CNTN4: variants seen among roughly 807,000 people sequenced by gnomAD.
The protein encoded by CNTN4 is contactin-4.
A neutral mutation model predicts 122.5 loss-of-function variants in CNTN4; 77 were observed. The ratio of observed to expected loss-of-function variants is 0.63; its 90% CI spans 0.52 to 0.76. The LOEUF (loss-of-function observed/expected upper bound fraction) is 0.76, where lower values mean the gene tolerates loss of function less well. Among genes scored for constraint, CNTN4 ranks in the 30% least tolerant of loss-of-function variants. The pLI is 0.00. For synonymous variants in CNTN4, 512 were observed against 447.0 expected (o/e 1.15, Z -1.83); for missense variants, 1,256 against 1,259.1 (o/e 1.00, Z 0.04).
chr3:2,890,323 C>T (rs1181371393), intron 10 of CNTN4, among the ~76,000 whole-genome samples: 2 of 152,178 alleles, frequency 1.3e-5, no homozygotes, highest in East Asian at 1.9e-4. Flanking sequence ...TAATATCCAG[C>T]TGCATAGGTC....
In CNTN4 at chr3:2,889,475, C is replaced by G. The variant is rs191173907; in HGVS notation, c.940+2251C>G. ...GTAAAGCAAAAGACACCACAGTTAA[C>G]TGACTGCAAAATCATGAGACTGTAA... On this transcript the variant is annotated intron_variant, in intron 10 of 24. Coordinates refer to ENST00000418658, the MANE Select transcript of CNTN4 (RefSeq NM_175607.3). 1.7e-3 allele frequency among the ~76,000 whole-genome samples: 254 copies of G among 152,286 alleles called. 1 individual carries two copies. The highest frequency in any genetic ancestry group is 6.8e-3 in the Middle Eastern group (2 of 294).
At chr3:2,894,691 G>C (rs2094086515) in intron 10 of CNTN4, among the ~76,000 whole-genome samples, 1 of 152,040 alleles carries the variant, frequency 6.6e-6, no homozygotes, top group African/African-American at 2.4e-5. Context: ...CTAGGTAGAG[G>C]CTTTGAAGAT....
At chr3:2,447,331 T>G (rs555635054) in intron 3 of CNTN4, among the ~76,000 whole-genome samples, 1 of 152,288 alleles carries the variant, frequency 6.6e-6, no homozygotes, top group Non-Finnish European at 1.5e-5. Context: ...ATTCTAATTA[T>G]CTAATGTCTT....
At chr3:2,957,347 A>G (rs1422140117) in intron 13 of CNTN4, among the ~76,000 whole-genome samples, 1 of 151,974 alleles carries the variant, frequency 6.6e-6, no homozygotes, top group African/African-American at 2.4e-5. Context: ...GTGTGAGAAG[A>G]TATCTTATTG....
chr3:2,224,046 T>C (rs2039167471), intron 2 of CNTN4, among the ~76,000 whole-genome samples: 1 of 152,176 alleles, frequency 6.6e-6, no homozygotes, highest in South Asian at 2.1e-4. Context: ...TTTCAGGTAA[T>C]AAAAGTTGTC....
At chr3:2,165,304 C>G (rs531665979) in intron 2 of CNTN4, among the ~76,000 whole-genome samples, 1 of 149,688 alleles carries the variant, frequency 6.7e-6, no homozygotes, top group East Asian at 2.0e-4. Context: ...GCCTGGGTGA[C>G]AAGAGCAAGA....
chr3:2,969,377 T>C (rs1456675268), intron 13 of CNTN4, among the ~76,000 whole-genome samples: 1 of 152,164 alleles, frequency 6.6e-6, no homozygotes, highest in Non-Finnish European at 1.5e-5. Context: ...ACCAATCGCT[T>C]TAACCAGGAG....
At chr3:2,920,656 C>G (rs2094419778) in intron 12 of CNTN4, among the ~76,000 whole-genome samples, 2 of 152,014 alleles carry the variant, frequency 1.3e-5, no homozygotes, top group Admixed American at 6.5e-5. Context: ...ATAATGGTGA[C>G]TGGGGTAGTG....
intron 4 of CNTN4, among the ~76,000 whole-genome samples, chr3:2,713,060 C>T (rs1353392135): frequency 6.6e-6 from 1 of 152,156 alleles, no homozygotes; most frequent in African/African-American, 2.4e-5. Context: ...TTAATTGAAC[C>T]CACAGTGGGT....
intron 2 of CNTN4, among the ~76,000 whole-genome samples, chr3:2,326,485 TACACACACACACACACACAC>T (rs10557917): frequency 2.4e-5 from 3 of 125,972 alleles, no homozygotes; most frequent in Non-Finnish European, 3.6e-5. Context: ...CTAATAAATT[TACACACACACACACACACAC>T]ACACACACAC....
At chr3:2,388,758 TCG>T (rs1348502066) in intron 3 of CNTN4, among the ~76,000 whole-genome samples, 1 of 151,948 alleles carries the variant, frequency 6.6e-6, no homozygotes, top group Non-Finnish European at 1.5e-5. Context: ...GGCAGGAGAA[TCG>T]CTTCAACCTG....
In CNTN4 at chr3:2,770,318, G is replaced by A. The variant is rs569619196; in HGVS notation, c.358+24621G>A. ...GCTGGGATTACAGGCGTGAGCCACCGTTTCCGGCCCTCTTCCATCTCTTTC... is the reference window on the plus strand; with the variant it reads ...GCTGGGATTACAGGCGTGAGCCACCATTTCCGGCCCTCTTCCATCTCTTTC... On this transcript the variant is annotated intron_variant, in intron 6 of 24. Transcript: ENST00000418658. Among the ~76,000 whole-genome samples the A allele has an allele frequency of 4.6e-5, 7 of 152,308 alleles. No homozygotes were observed. The South Asian group carries it at 8.3e-4, about 18-fold the overall frequency.
At chr3:2,784,485 A>G (rs2091734199) in intron 6 of CNTN4, among the ~76,000 whole-genome samples, 1 of 152,206 alleles carries the variant, frequency 6.6e-6, no homozygotes, top group Admixed American at 6.5e-5. Flanking sequence ...GCCTGAAGTC[A>G]TACAACTAAG....
chr3:2,804,495 C>T (rs1012262505), intron 6 of CNTN4, among the ~76,000 whole-genome samples: 2 of 152,052 alleles, frequency 1.3e-5, no homozygotes, highest in Non-Finnish European at 1.5e-5. Context: ...TCAGAGGATT[C>T]GATTTTATGT....
At chr3:2,209,344 A>G (rs961906987) in intron 2 of CNTN4, among the ~76,000 whole-genome samples, 2 of 152,184 alleles carry the variant, frequency 1.3e-5, no homozygotes, top group African/African-American at 4.8e-5. Context: ...ATTTGGTTAC[A>G]TCTAACTGCT....
intron 3 of CNTN4, among the ~76,000 whole-genome samples, chr3:2,352,901 CTG>C (rs2044695795): frequency 6.6e-6 from 1 of 152,094 alleles, no homozygotes; most frequent in Admixed American, 6.5e-5. Flanking sequence ...AGTCAGCACT[CTG>C]TGTCTAGCTG....
At chr3:3,031,856 T>C (rs1305797376) in intron 16 of CNTN4, among the ~76,000 whole-genome samples, 1 of 152,188 alleles carries the variant, frequency 6.6e-6, no homozygotes, top group Non-Finnish European at 1.5e-5. Context: ...TTTGGCCGGC[T>C]GGCAGAGCGC....
chr3:2,598,319 G>GCATACTCTTAA (rs1360905361), intron 4 of CNTN4, among the ~76,000 whole-genome samples: 1 of 152,126 alleles, frequency 6.6e-6, no homozygotes, highest in African/African-American at 2.4e-5. Context: ...AAGTACAATT[G>GCATACTCTTAA]CATACTCTTA....
At chr3:2,707,942 T>C (rs1006696392) in intron 4 of CNTN4, among the ~76,000 whole-genome samples, 1 of 152,226 alleles carries the variant, frequency 6.6e-6, no homozygotes, top group Non-Finnish European at 1.5e-5. Flanking sequence ...AAGAATCCAA[T>C]AAATTATAAT....
Sources: gnomAD v4.1 joint callset for allele counts (sites outside exome capture counted in the v4.1 genomes callset) on GRCh38, gnomAD v4.1.1 for gene constraint, MANE v1.5 for transcripts, NCBI Gene and HGNC (gene_info 2026-07-23, HGNC 2026-07-21) for gene names.